Variants in FUT9 observed in about 807,000 individuals in gnomAD.
The protein encoded by FUT9 is fucosyltransferase 9.
Under a neutral mutation model 29.7 loss-of-function variants are expected in FUT9, and 15 were observed. The ratio of observed to expected loss-of-function variants is 0.51; its 90% CI spans 0.34 to 0.78. The LOEUF (loss-of-function observed/expected upper bound fraction) is 0.78. Among genes scored for constraint, FUT9 ranks in the 30% least tolerant of loss-of-function variants. The pLI, the probability that FUT9 is intolerant of heterozygous loss-of-function variation, is 0.01. For missense variants in FUT9, 319 were observed against 425.4 expected, an observed-to-expected ratio of 0.75 and a Z score of 2.20; for synonymous variants, 169 against 153.7, an observed-to-expected ratio of 1.10 and a Z score of -0.74.
chr6:96,156,899 A>G (rs1772795727), intron 2 of FUT9, among the ~76,000 whole-genome samples: 2 of 152,212 alleles, frequency 1.3e-5, no homozygotes, highest in African/African-American at 4.8e-5. Context: ...ACAAATTATG[A>G]CTGCCTATAC....
intron 1 of FUT9, among the ~76,000 whole-genome samples, chr6:96,081,024 C>T (rs761748221): frequency 4.0e-5 from 6 of 151,880 alleles, no homozygotes; most frequent in Non-Finnish European, 8.8e-5. Context: ...CCAGCAATAA[C>T]ACCAAAAATT....
intron 2 of FUT9, among the ~76,000 whole-genome samples, chr6:96,185,415 T>C (rs978382088): frequency 1.3e-5 from 2 of 152,070 alleles, no homozygotes; most frequent in Non-Finnish European, 2.9e-5. Flanking sequence ...AAATAAATAA[T>C]GATTTCCAGT....
intron 1 of FUT9, among the ~76,000 whole-genome samples, chr6:96,049,467 G>C (rs1161734387): frequency 6.6e-6 from 1 of 152,198 alleles, no homozygotes; most frequent in East Asian, 1.9e-4. Flanking sequence ...CTTCTTGAGT[G>C]GGTAAACAAC....
intron 1 of FUT9, among the ~76,000 whole-genome samples, chr6:96,028,974 A>G (rs1375624447): frequency 6.6e-6 from 1 of 151,570 alleles, no homozygotes; most frequent in Non-Finnish European, 1.5e-5. Flanking sequence ...TGGAAAGACT[A>G]TCAATCCCAC....
chr6:96,191,084 T>C (rs895809487), intron 2 of FUT9, among the ~76,000 whole-genome samples: 2 of 152,158 alleles, frequency 1.3e-5, no homozygotes, highest in South Asian at 2.1e-4. Context: ...GATGGGGTTT[T>C]GGTGTGGATG....
At chr6:96,188,343 T>A (rs1314634444) in intron 2 of FUT9, among the ~76,000 whole-genome samples, 1 of 152,074 alleles carries the variant, frequency 6.6e-6, no homozygotes, top group Admixed American at 6.6e-5. Flanking sequence ...CGTAGCTCAC[T>A]GCAGCCTCGA....
intron 2 of FUT9, among the ~76,000 whole-genome samples, chr6:96,170,286 T>C (rs569749311): frequency 1.1e-3 from 161 of 152,244 alleles, no homozygotes; most frequent in African/African-American, 3.7e-3. Context: ...CAAATCGATA[T>C]TGTGATCCTT....
chr6:96,147,817 A>C (rs1170659420), intron 2 of FUT9, among the ~76,000 whole-genome samples: 1 of 151,006 alleles, frequency 6.6e-6, no homozygotes, highest in Non-Finnish European at 1.5e-5. Flanking sequence ...TTGCATAAAT[A>C]ATCTGCAGGA....
chr6:96,128,594 AT>A (rs1772175116), intron 2 of FUT9, among the ~76,000 whole-genome samples: 1 of 152,166 alleles, frequency 6.6e-6, no homozygotes. Flanking sequence ...TTAAAAACAT[AT>A]ATTGTTTGAC....
chr6:96,119,656 AG>A (rs1453497521), intron 2 of FUT9, among the ~76,000 whole-genome samples: 1 of 152,230 alleles, frequency 6.6e-6, no homozygotes, highest in Non-Finnish European at 1.5e-5. Flanking sequence ...TATAAAGCCA[AG>A]CTAACCTGCC....
At chr6:96,200,463 G>A (rs9285560) in intron 2 of FUT9, among the ~76,000 whole-genome samples, 138,829 of 152,108 alleles carry the variant, frequency 0.91, 64,700 homozygotes, top group Non-Finnish European at 1. Flanking sequence ...TCTGTGAAGG[G>A]ATGAGAAAAG....
chr6:96,171,367 GGCTTGTAGCCC>G (rs544512548), intron 2 of FUT9, among the ~76,000 whole-genome samples: 98 of 152,312 alleles, frequency 6.4e-4, no homozygotes, highest in Middle Eastern at 3.4e-3. Context: ...GTAAGCAGTT[GGCTTGTAGCCC>G]AAGAAAAGGC....
intron 2 of FUT9, among the ~76,000 whole-genome samples, chr6:96,154,575 A>G (rs1345512274): frequency 1.3e-5 from 2 of 152,166 alleles, no homozygotes; most frequent in Admixed American, 6.5e-5. Flanking sequence ...GACTCTGGGT[A>G]TAGTCTGATC....
chr6:96,051,299 A>G (rs1770665472), intron 1 of FUT9, among the ~76,000 whole-genome samples: 1 of 152,096 alleles, frequency 6.6e-6, no homozygotes, highest in Non-Finnish European at 1.5e-5. Context: ...AGGATTTTTA[A>G]AAACTTGATT....
intron 1 of FUT9, among the ~76,000 whole-genome samples, chr6:96,090,116 G>A (rs536055248): frequency 1.5e-4 from 23 of 152,052 alleles, no homozygotes; most frequent in Non-Finnish European, 2.6e-4. Context: ...GAGTGCTTAC[G>A]GCCCATAAGA....
At chr6:96,136,647 A>G (rs1287524944) in intron 2 of FUT9, among the ~76,000 whole-genome samples, 1 of 151,960 alleles carries the variant, frequency 6.6e-6, no homozygotes, top group Non-Finnish European at 1.5e-5. Context: ...CATGCTTAGG[A>G]ATATCTTCTT....
intron 1 of FUT9, among the ~76,000 whole-genome samples, chr6:96,107,356 A>G (rs1771710130): frequency 6.6e-6 from 1 of 152,216 alleles, no homozygotes; most frequent in East Asian, 1.9e-4. Context: ...CTTTAAAAAT[A>G]TATGTACATT....
In FUT9 at chr6:96,060,832, C is replaced by T. The variant is rs531623338; in HGVS notation, c.-98+44620C>T. Among the ~76,000 whole-genome samples the T allele has an allele frequency of 2.3e-3, 350 of 152,306 alleles. 1 individual carries two copies. Among genetic ancestry groups the T allele is most frequent in the African/African-American group, 8.2e-3 (342 of 41,572 alleles). ...GGATTACAGGCGTGAGCCATGGCAC[C>T]TGGCCAGCATACTTAACCTTTACAG... On this transcript the variant is annotated intron_variant, in intron 1 of 2. Coordinates refer to ENST00000302103, the MANE Select transcript of FUT9 (RefSeq NM_006581.4).
intron 1 of FUT9, among the ~76,000 whole-genome samples, chr6:96,092,553 T>C (rs898422390): frequency 9.9e-5 from 15 of 152,248 alleles, no homozygotes; most frequent in African/African-American, 3.6e-4. Context: ...ATACTTCTTC[T>C]AGCTGTCTGC....
Sources: allele counts gnomAD v4.1 joint callset (sites outside exome capture counted in the v4.1 genomes callset), GRCh38; gene constraint gnomAD v4.1.1; transcripts MANE v1.5; gene names NCBI Gene and HGNC (gene_info 2026-07-23, HGNC 2026-07-21).